ACE: variants seen among roughly 807,000 people sequenced by gnomAD.
ACE encodes angiotensin-converting enzyme.
Under a neutral mutation model 162.3 loss-of-function variants are expected in ACE, and 122 were observed. The ratio of observed to expected loss-of-function variants is 0.75; its 90% CI spans 0.65 to 0.87. The LOEUF (loss-of-function observed/expected upper bound fraction) is 0.87, where lower values mean the gene tolerates loss of function less well. Ranked by LOEUF, ACE falls within the 40% of genes least tolerant of loss-of-function variation. The pLI is 0.00. For missense variants in ACE, 1,799 were observed against 1,735.1 expected, an observed-to-expected ratio of 1.04 and a Z score of -0.65; for synonymous variants, 796 against 720.6, an observed-to-expected ratio of 1.10 and a Z score of -1.68.
At position 63,493,549 on chromosome 17, in the gene ACE, G is replaced by A; in HGVS notation, c.3026G>A (p.Gly1009Asp). The change falls in exon 20 of 25, where the codon GGT becomes GAT. Residue 1009 changes from glycine (G) to aspartate (D), a missense_variant. Transcript: ENST00000290866. ...YKDLPVALRE[G>D]ANPGFHEAIG... Reference sequence around the variant, plus strand: ...GACTTACCTGTGGCCTTGAGGGAGGGTGCCAACCCCGGCTTCCATGAGGCC... The same window carrying A: ...GACTTACCTGTGGCCTTGAGGGAGGATGCCAACCCCGGCTTCCATGAGGCC... 6.2e-7 allele frequency: 1 copy of A among 1,614,152 alleles called. No individual in the cohort carries two copies. The highest frequency in any genetic ancestry group is 1.1e-5 in the South Asian group (1 of 91,080).
chr17:63,491,256 C>T lies in ACE; in HGVS notation c.2787C>T (p.Thr929=), dbSNP rs4348. ...RMFKEADDFF[T]SLGLLPVPPE... Reference sequence around the variant, plus strand: ...TTAAGGAGGCTGATGATTTCTTCACCTCCCTGGGGCTGCTGCCCGTGCCTC... The same window carrying T: ...TTAAGGAGGCTGATGATTTCTTCACTTCCCTGGGGCTGCTGCCCGTGCCTC... The change falls in exon 19 of 25, where the codon ACC becomes ACT. Residue 929 remains threonine (T), a synonymous_variant. Transcript: ENST00000290866. The surrounding 1 kb of genome is among the most constrained non-coding windows in gnomAD (Gnocchi z 4.4). The T allele has an allele frequency of 1.6e-3, 2,508 of 1,614,150 alleles. 36 individuals are homozygous for T. The African/African-American group carries it at 0.03, about 19-fold the overall frequency.
At chr17:63,486,779 G>A in intron 14 of ACE, 64 bp downstream of exon 14, 3 of 1,604,472 alleles carry the variant, frequency 1.9e-6, no homozygotes, top group Non-Finnish European at 2.6e-6. Flanking sequence ...CACAGGGTCT[G>A]GCCTGGCCTT....
chr17:63,489,507 A>G (rs1473766284), intron 17 of ACE, among the ~76,000 whole-genome samples: 3 of 152,152 alleles, frequency 2.0e-5, no homozygotes, highest in African/African-American at 7.2e-5. Flanking sequence ...TCGGAAGATG[A>G]CAGGGTTTGA....
In ACE at chr17:63,483,825, C is replaced by G. The variant is rs752618245; in HGVS notation, c.1587-24C>G. On this transcript the variant is annotated intron_variant, in intron 10 of 24. Coordinates refer to ENST00000290866, the MANE Select transcript of ACE (RefSeq NM_000789.4). ...TGTTCCTGGCCCCCCATGATCTTCCCTGACTCCCACCCTGTGCCTGCAGGT... is the reference window on the plus strand; with the variant it reads ...TGTTCCTGGCCCCCCATGATCTTCCGTGACTCCCACCCTGTGCCTGCAGGT... 5.0e-6 allele frequency: 8 copies of G among 1,613,844 alleles called. No homozygotes were observed. The South Asian group carries it at 8.8e-5, about 18-fold the overall frequency.
rs1001347873 is a variant in ACE, at chr17:63,490,892, G to C, written c.2642-62G>C. ...ATCTGGAGCGCTCTTCCTGCAGGAG[G>C]GCATTGAGCCTAAGTAACATTTGTC... On this transcript the variant is annotated intron_variant, in intron 17 of 24. Transcript: ENST00000290866. 2.7e-6 allele frequency: 4 copies of C among 1,490,444 alleles called. No homozygotes were observed. In the African/African-American group the frequency reaches 5.5e-5, roughly 21 times the overall value. 92.3% of individuals were successfully genotyped at this position (1,490,444 alleles called of 1,614,324 possible). A position where few individuals can be genotyped will look rare whatever the true frequency, so the allele number is the denominator to read the frequency against.
At chr17:63,494,297 C>A (rs1368247180) in intron 21 of ACE, 75 bp from the exon 22 acceptor site, 1 of 1,428,614 alleles carries the variant, frequency 7.0e-7, no homozygotes, top group Non-Finnish European at 9.8e-7. Context: ...CAGGGACCCT[C>A]CCTCAAGTCA....
intron 2 of ACE, 175 bp downstream of exon 2, chr17:63,478,273 A>C: frequency 1.2e-6 from 1 of 821,306 alleles, no homozygotes; most frequent in Admixed American, 2.9e-5. Context: ...TTTCTTGGAG[A>C]TGGGGTGGGG....
rs954026411 is a variant in ACE, at chr17:63,483,288, G to T, written c.1487+115G>T. 2.8e-5 allele frequency: 44 copies of T among 1,565,050 alleles called. 1 individual carries two copies. The East Asian group carries it at 6.5e-4, about 23-fold the overall frequency. ...CCTCTCCTCTCTAATGATGTCCCCC[G>T]CTGTGACCCACCGCCTTCTCCTTTC... On this transcript the variant is annotated intron_variant, in intron 9 of 24. Transcript: ENST00000290866.
rs540058091 is a variant in ACE, at chr17:63,491,962, C to T, written c.2912+581C>T. On this transcript the variant is annotated intron_variant, in intron 19 of 24. Coordinates refer to ENST00000290866, the MANE Select transcript of ACE (RefSeq NM_000789.4). This position sits in a 1 kb window ranked among gnomAD's most constrained non-coding sequence, Gnocchi z 4.4. ...TCTACAGGGCCCCCTCTGTTGGGGG[C>T]AGCTCTCACAGCCGGGATGGCTCAA... Among the ~76,000 whole-genome samples the T allele has an allele frequency of 6.6e-6, 1 of 152,334 alleles. No homozygotes were observed. Among genetic ancestry groups the T allele is most frequent in the African/African-American group, 2.4e-5 (1 of 41,572 alleles).
At chr17:63,478,249 T>A in intron 2 of ACE, 151 bp downstream of exon 2, 1 of 1,011,592 alleles carries the variant, frequency 9.9e-7, no homozygotes. Context: ...AGAATGGCTT[T>A]CTGAGCATTG....
At chr17:63,480,970 G>T in intron 5 of ACE, 121 bp from the exon 6 acceptor site, 3 of 929,046 alleles carry the variant, frequency 3.2e-6, no homozygotes, top group Non-Finnish European at 5.3e-6. Flanking sequence ...CCTAAGCCAG[G>T]CCTGCAGCCC....
chr17:63,486,781 C>T (rs1295704085), intron 14 of ACE, 66 bp downstream of exon 14: 3 of 1,602,226 alleles, frequency 1.9e-6, no homozygotes, highest in East Asian at 4.5e-5. Flanking sequence ...CAGGGTCTGG[C>T]CTGGCCTTCA....
At chr17:63,478,888 C>A in intron 2 of ACE, 119 bp from the exon 3 acceptor site, 1 of 808,584 alleles carries the variant, frequency 1.2e-6, no homozygotes, top group Non-Finnish European at 2.1e-6. Context: ...TGCCCCGGTG[C>A]CACTGAGTGG....
At chr17:63,480,898 C>T (rs1275718191) in intron 5 of ACE, among the ~76,000 whole-genome samples, 193 bp from the exon 6 acceptor site, 1 of 152,208 alleles carries the variant, frequency 6.6e-6, no homozygotes, top group Admixed American at 6.5e-5. Context: ...CAGCATCTTG[C>T]AGCCCCAGGA....
rs751363862 is a variant in ACE, at chr17:63,489,075, C to T, written c.2584C>T (p.Arg862Cys). 25 of 1,613,672 alleles carry T rather than the reference C, an allele frequency of 1.5e-5. No individual in the cohort carries two copies. Among genetic ancestry groups the T allele is most frequent in the Admixed American group, 5.0e-5 (3 of 60,008 alleles). Residue 862 changes from arginine (R) to cysteine (C), a missense_variant, in exon 17 of 25, where the codon CGT (arginine) becomes TGT (cysteine). By Grantham distance (180) the Arg-to-Cys change is radical. Coordinates refer to ENST00000290866, the MANE Select transcript of ACE (RefSeq NM_000789.4). ...TGCCTACGTGCGCCGGGCCCTGCAC[C>T]GTCACTACGGGGCCCAGCACATCAA... Reference protein sequence around the residue: ...LHAYVRRALHRHYGAQHINLE... With the variant: ...LHAYVRRALHCHYGAQHINLE...
Position 63,491,330 on chromosome 17 carries a change from A to G in ACE, c.2861A>G (p.Glu954Gly). The change falls in exon 19 of 25, where the codon GAG (glutamate) becomes GGG (glycine). Residue 954 changes from glutamate to glycine, a missense_variant. Glu to Gly is a moderately conservative substitution (Grantham distance 98). Coordinates refer to ENST00000290866, the MANE Select transcript of ACE (RefSeq NM_000789.4). This position sits in a 1 kb window ranked among gnomAD's most constrained non-coding sequence, Gnocchi z 4.4. ...SMLEKPTDGR[E>G]VVCHASAWDF... ...CTGGAGAAGCCAACCGACGGGCGGG[A>G]GGTGGTCTGCCACGCCTCGGCCTGG... 6.2e-7 allele frequency: 1 copy of G among 1,614,032 alleles called. No homozygotes were observed. The highest frequency in any genetic ancestry group is 8.5e-7 in the Non-Finnish European group (1 of 1,180,002).
intron 10 of ACE, 144 bp downstream of exon 10, chr17:63,483,702 C>T (rs935477509): frequency 6.8e-7 from 1 of 1,477,138 alleles, no homozygotes; most frequent in African/African-American, 1.4e-5. Context: ...GTGGCCCACT[C>T]TCCTGAGCCT....
In ACE at chr17:63,497,775, C is replaced by T. The variant is rs1410828324; in HGVS notation, c.*409C>T. 8 of 381,872 alleles carry T rather than the reference C, an allele frequency of 2.1e-5. No homozygotes were observed. The highest frequency in any genetic ancestry group is 6.4e-5 in the East Asian group (1 of 15,656). The allele number at this position is 381,872 out of a possible 1,614,324, so 23.7% of individuals were successfully genotyped here. A position where few individuals can be genotyped will look rare whatever the true frequency, so the allele number is the denominator to read the frequency against. On this transcript the variant is annotated 3_prime_UTR_variant, in exon 25 of 25. Coordinates refer to ENST00000290866, the MANE Select transcript of ACE (RefSeq NM_000789.4). The stretch of plus-strand genomic sequence containing the variant: ...AGAGCTCTGCCCCAGCACCTCCTGG[C>T]GCTGGCGCCTGTCTTCCCTCCAGCC...
At chr17:63,483,243 C>T (rs1746955814) in intron 9 of ACE, 70 bp downstream of exon 9, 6 of 1,610,274 alleles carry the variant, frequency 3.7e-6, no homozygotes, top group Non-Finnish European at 5.1e-6. Context: ...CCAGGCGCCT[C>T]CTGCCCCAGC....
Sources: allele counts gnomAD v4.1 joint callset (sites outside exome capture counted in the v4.1 genomes callset), GRCh38; gene constraint gnomAD v4.1.1; non-coding constraint Gnocchi (gnomAD v3.1); transcripts MANE v1.5; gene names NCBI Gene and HGNC (gene_info 2026-07-23, HGNC 2026-07-21).